CA10: variants seen among roughly 807,000 people sequenced by gnomAD.
CA10 encodes the protein carbonic anhydrase 10 (inactive).
In CA10, 14 loss-of-function variants were observed where a neutral mutation model predicts 44.2. That is an observed-to-expected ratio of 0.32 (90% CI 0.21 to 0.50). The LOEUF (loss-of-function observed/expected upper bound fraction) is 0.50, where lower values mean the gene tolerates loss of function less well. Among genes scored for constraint, CA10 ranks in the 20% least tolerant of loss-of-function variants. The probability of loss-of-function intolerance (pLI) is 0.99; values close to 1 mark genes in which losing one functional copy is unlikely to be tolerated. For synonymous variants in CA10, 159 were observed against 141.6 expected (o/e 1.12, Z -0.87); for missense variants, 350 against 409.7 (o/e 0.85, Z 1.26).
At chr17:52,139,279 T>C (rs1189295416) in intron 1 of CA10, among the ~76,000 whole-genome samples, 1 of 152,190 alleles carries the variant, frequency 6.6e-6, no homozygotes, top group Admixed American at 6.5e-5. Context: ...CAAAGCACTT[T>C]ATGGCCTTTA....
At chr17:51,676,069 T>C (rs1433462785) in intron 4 of CA10, among the ~76,000 whole-genome samples, 2 of 152,210 alleles carry the variant, frequency 1.3e-5, no homozygotes, top group Non-Finnish European at 2.9e-5. Context: ...CTAGTGCTAC[T>C]TAAGTGGAGT....
intron 3 of CA10, among the ~76,000 whole-genome samples, chr17:51,848,777 T>C (rs1978612054): frequency 6.6e-6 from 1 of 152,142 alleles, no homozygotes; most frequent in Non-Finnish European, 1.5e-5. Flanking sequence ...CAGGGCATGG[T>C]GGCTCATGCC....
intron 2 of CA10, among the ~76,000 whole-genome samples, chr17:51,998,438 T>C (rs894150169): frequency 3.3e-5 from 5 of 152,044 alleles, no homozygotes; most frequent in Admixed American, 1.3e-4. Flanking sequence ...TACTTTCTTT[T>C]AATGCCTGTC....
At chr17:51,650,672 T>C (rs1035009310) in intron 5 of CA10, among the ~76,000 whole-genome samples, 4 of 152,212 alleles carry the variant, frequency 2.6e-5, no homozygotes, top group African/African-American at 9.6e-5. Flanking sequence ...CTGCTCCTGG[T>C]GCTGATGCAC....
intron 2 of CA10, among the ~76,000 whole-genome samples, chr17:51,963,964 A>G (rs1190929041): frequency 6.6e-6 from 1 of 152,168 alleles, no homozygotes; most frequent in African/African-American, 2.4e-5. Flanking sequence ...TAAAAGGCAT[A>G]GAGTTGCTAG....
At chr17:52,061,639 T>A (rs1430045091) in intron 2 of CA10, among the ~76,000 whole-genome samples, 2 of 152,098 alleles carry the variant, frequency 1.3e-5, no homozygotes. Flanking sequence ...TCTCATGAAA[T>A]CTCATGGTTT....
intron 2 of CA10, among the ~76,000 whole-genome samples, chr17:52,048,896 G>A (rs1177400722): frequency 6.6e-6 from 1 of 151,474 alleles, no homozygotes; most frequent in Non-Finnish European, 1.5e-5. Context: ...TTCGATCAAG[G>A]GTATAATAGG....
chr17:52,063,900 T>A (rs1987461207), intron 2 of CA10, among the ~76,000 whole-genome samples: 1 of 152,200 alleles, frequency 6.6e-6, no homozygotes, highest in Non-Finnish European at 1.5e-5. Context: ...TGAGTGAGAT[T>A]TCTGAGTATA....
intron 1 of CA10, among the ~76,000 whole-genome samples, chr17:52,099,049 G>A (rs1043669599): frequency 6.6e-6 from 1 of 152,128 alleles, no homozygotes; most frequent in Admixed American, 6.5e-5. Flanking sequence ...GAAAATAATA[G>A]CAAGAGGTGA....
At chr17:52,152,303 G>C (rs912296268) in intron 1 of CA10, among the ~76,000 whole-genome samples, 1 of 152,124 alleles carries the variant, frequency 6.6e-6, no homozygotes, top group South Asian at 2.1e-4. Flanking sequence ...GTCACAAAGT[G>C]AATAACCATA....
At chr17:52,107,108 C>T (rs753452642) in intron 1 of CA10, among the ~76,000 whole-genome samples, 2 of 152,134 alleles carry the variant, frequency 1.3e-5, no homozygotes, top group Non-Finnish European at 2.9e-5. Context: ...CATGGGCCTA[C>T]CCTCTCATCT....
At chr17:52,084,636 T>C (rs1381202215) in intron 1 of CA10, among the ~76,000 whole-genome samples, 3 of 152,312 alleles carry the variant, frequency 2.0e-5, no homozygotes, top group East Asian at 1.9e-4. Context: ...TCCAGTTCCA[T>C]GCAAGCTTTT....
chr17:51,951,003 A>G (rs1410323228), intron 2 of CA10, among the ~76,000 whole-genome samples: 1 of 152,188 alleles, frequency 6.6e-6, no homozygotes, highest in East Asian at 1.9e-4. Flanking sequence ...TGTCTTGCAC[A>G]TTCCATTTTG....
At chr17:51,976,460 C>T (rs59043302) in intron 2 of CA10, among the ~76,000 whole-genome samples, 6,495 of 152,066 alleles carry the variant, frequency 0.043, 478 homozygotes, top group African/African-American at 0.15. Context: ...TAAGAAAATA[C>T]GCACATATTT....
intron 3 of CA10, among the ~76,000 whole-genome samples, chr17:51,904,085 C>T (rs1302601562): frequency 1.3e-5 from 2 of 151,560 alleles, no homozygotes; most frequent in Non-Finnish European, 2.9e-5. Flanking sequence ...GTGACCAACC[C>T]ACCCTGTTTG....
At chr17:51,671,646 C>T (rs367593315) in intron 4 of CA10, among the ~76,000 whole-genome samples, 4 of 152,184 alleles carry the variant, frequency 2.6e-5, no homozygotes, top group East Asian at 1.9e-4. Context: ...CTTCATGATC[C>T]GCCTGCCTCG....
chr17:51,956,418 A>AT (rs1983667137), intron 2 of CA10, among the ~76,000 whole-genome samples: 1 of 152,162 alleles, frequency 6.6e-6, no homozygotes, highest in Non-Finnish European at 1.5e-5. Context: ...ACATATTTTG[A>AT]TTTTCACTCA....
At chr17:51,786,214 C>T (rs7225815) in intron 3 of CA10, among the ~76,000 whole-genome samples, 1 of 147,922 alleles carries the variant, frequency 6.8e-6, no homozygotes, top group Non-Finnish European at 1.5e-5. Context: ...CTTTGTGTGT[C>T]TGTGTGTGTG....
chr17:51,886,552 C>T (rs934975651), intron 3 of CA10, among the ~76,000 whole-genome samples: 2 of 152,152 alleles, frequency 1.3e-5, no homozygotes, highest in Non-Finnish European at 2.9e-5. Flanking sequence ...AAATCCATCC[C>T]TAAATCCATG....
Sources: allele counts gnomAD v4.1 joint callset (sites outside exome capture counted in the v4.1 genomes callset), GRCh38; gene constraint gnomAD v4.1.1; transcripts MANE v1.5; gene names NCBI Gene and HGNC (gene_info 2026-07-23, HGNC 2026-07-21).